Variants in MAP3K3 observed in about 807,000 individuals in gnomAD.
MAP3K3 encodes the protein MAP/ERK kinase kinase 3.
Under a neutral mutation model 80.9 loss-of-function variants are expected in MAP3K3, and 12 were observed. The ratio of observed to expected loss-of-function variants is 0.15; its 90% CI spans 0.10 to 0.24. The LOEUF (loss-of-function observed/expected upper bound fraction) is 0.24. Among genes scored for constraint, MAP3K3 ranks in the 10% least tolerant of loss-of-function variants. MAP3K3 has a pLI of 1.00. For synonymous variants in MAP3K3, 272 were observed against 307.1 expected, an observed-to-expected ratio of 0.89 and a Z score of 1.19; for missense variants, 596 against 834.7, an observed-to-expected ratio of 0.71 and a Z score of 3.52.
At chr17:63,634,206 AT>A (rs1437939414) in intron 2 of MAP3K3, among the ~76,000 whole-genome samples, 20 of 152,144 alleles carry the variant, frequency 1.3e-4, no homozygotes, top group African/African-American at 4.8e-4. Flanking sequence ...TCGAAGGAGC[AT>A]TTTACCAGAA....
At chr17:63,628,136 C>T (rs1298357058) in intron 1 of MAP3K3, among the ~76,000 whole-genome samples, 1 of 150,934 alleles carries the variant, frequency 6.6e-6, no homozygotes, top group Non-Finnish European at 1.5e-5. Context: ...GAACTCCTGA[C>T]CTCAGGTGAT....
intron 5 of MAP3K3, among the ~76,000 whole-genome samples, chr17:63,662,650 A>ATTTTTTTTTTTT (rs1192833142): frequency 2.4e-5 from 2 of 82,566 alleles, no homozygotes; most frequent in African/African-American, 5.9e-5. Flanking sequence ...AGAAGAGGGA[A>ATTTTTTTTTTTT]TTTTTTTTTT....
chr17:63,677,893 C>T (rs573963337), intron 6 of MAP3K3, among the ~76,000 whole-genome samples: 3 of 152,320 alleles, frequency 2.0e-5, no homozygotes, highest in South Asian at 4.1e-4. Context: ...GAAGTCCCCA[C>T]GTTAGCCTCC....
intron 5 of MAP3K3, among the ~76,000 whole-genome samples, chr17:63,665,402 T>C (rs1050483376): frequency 6.6e-6 from 1 of 152,046 alleles, no homozygotes; most frequent in Admixed American, 6.5e-5. Context: ...CCTGACCTCA[T>C]GATCCGCCCG....
rs200150124 is a variant in MAP3K3 at position 63,652,674 on chromosome 17, T to C, written c.267+18T>C. ...ACAATGAGGTGAGAAGGCAGATGGA[T>C]GGGGCAGGGACAAGAGGGGCAGATG... On this transcript the variant is annotated intron_variant, in intron 4 of 15. Transcript: ENST00000361733. The C allele has an allele frequency of 1.3e-6, 2 of 1,550,676 alleles. No homozygotes were observed. Among genetic ancestry groups the C allele is most frequent in the East Asian group, 2.2e-5 (1 of 44,538 alleles).
chr17:63,633,609 G>A (rs1044607470), intron 2 of MAP3K3, among the ~76,000 whole-genome samples: 1 of 152,106 alleles, frequency 6.6e-6, no homozygotes, highest in Admixed American at 6.5e-5. Flanking sequence ...AGAGTTGTAT[G>A]CTTCTTTAGG....
chr17:63,681,710 C>T, intron 6 of MAP3K3, 56 bp from the exon 7 acceptor site: 1 of 1,354,512 alleles, frequency 7.4e-7, no homozygotes, highest in Non-Finnish European at 9.6e-7. Flanking sequence ...ATGCCTGCTC[C>T]TCTTGGGCCA....
intron 1 of MAP3K3, 104 bp from the exon 2 acceptor site, chr17:63,632,577 T>A: frequency 1.5e-6 from 2 of 1,360,070 alleles, no homozygotes; most frequent in Non-Finnish European, 2.0e-6. Context: ...GGGTCTGTCA[T>A]TTTACCTGGG....
chr17:63,651,297 A>C (rs940530369), intron 3 of MAP3K3, among the ~76,000 whole-genome samples: 2 of 152,112 alleles, frequency 1.3e-5, no homozygotes, highest in African/African-American at 4.8e-5. Flanking sequence ...CAGCCTGGGC[A>C]ACTTATTGAG....
rs189448508 is a variant in MAP3K3 at position 63,662,882 on chromosome 17, C to T, written c.382-4058C>T. 2.3e-3 allele frequency among the ~76,000 whole-genome samples: 351 copies of T among 151,678 alleles called. 1 individual carries two copies. Among genetic ancestry groups the T allele is most frequent in the Non-Finnish European group, 4.3e-3 (293 of 67,900 alleles). ...GGGGGGCGGTCCTCACCATGTTGGC[C>T]GGGCTGGTCTCGAACTCTTAAACTT... is the stretch of plus-strand genomic sequence containing the variant. On this transcript the variant is annotated intron_variant, in intron 5 of 15. Coordinates refer to ENST00000361733, the MANE Select transcript of MAP3K3 (RefSeq NM_002401.5).
At chr17:63,647,277 G>C (rs1046650953) in intron 3 of MAP3K3, among the ~76,000 whole-genome samples, 4 of 152,184 alleles carry the variant, frequency 2.6e-5, no homozygotes, top group Admixed American at 6.6e-5. Context: ...TCTGAGCTCT[G>C]TCCCCAGCTG....
At chr17:63,643,509 C>T (rs2034485061) in intron 2 of MAP3K3, among the ~76,000 whole-genome samples, 2 of 151,558 alleles carry the variant, frequency 1.3e-5, no homozygotes, top group Admixed American at 1.3e-4. Context: ...AAGACCCTGT[C>T]TCAATAATAA....
At chr17:63,679,457 G>A (rs2035285642) in intron 6 of MAP3K3, among the ~76,000 whole-genome samples, 1 of 152,098 alleles carries the variant, frequency 6.6e-6, no homozygotes, top group Non-Finnish European at 1.5e-5. Context: ...CCAGGTACAG[G>A]CTGAGTGCTC....
At chr17:63,662,844 G>A (rs1244866355) in intron 5 of MAP3K3, among the ~76,000 whole-genome samples, 1 of 135,628 alleles carries the variant, frequency 7.4e-6, no homozygotes. Flanking sequence ...TTTTAGTGGA[G>A]ATGGGGTTGG....
intron 1 of MAP3K3, among the ~76,000 whole-genome samples, chr17:63,630,840 T>C (rs1428556462): frequency 6.6e-6 from 1 of 152,242 alleles, no homozygotes; most frequent in Non-Finnish European, 1.5e-5. Context: ...TGGGAAGTTA[T>C]GCTCCTGGTG....
At chr17:63,628,765 A>C (rs975724757) in intron 1 of MAP3K3, among the ~76,000 whole-genome samples, 13 of 152,228 alleles carry the variant, frequency 8.5e-5, no homozygotes, top group African/African-American at 2.7e-4. Flanking sequence ...CTAATGTGTA[A>C]TACAAGATAA....
intron 2 of MAP3K3, among the ~76,000 whole-genome samples, chr17:63,639,905 T>C (rs972578588): frequency 2.0e-5 from 3 of 152,140 alleles, no homozygotes; most frequent in Non-Finnish European, 2.9e-5. Flanking sequence ...TATAAAGATA[T>C]AATGCTTTAT....
intron 3 of MAP3K3, among the ~76,000 whole-genome samples, chr17:63,649,785 G>C (rs1001931578): frequency 3.9e-5 from 6 of 152,206 alleles, no homozygotes; most frequent in African/African-American, 1.4e-4. Context: ...GAATAGTGCA[G>C]ATGCAGTTCT....
chr17:63,632,509 C>T (rs1419078725), intron 1 of MAP3K3, among the ~76,000 whole-genome samples, 172 bp from the exon 2 acceptor site: 1 of 152,062 alleles, frequency 6.6e-6, no homozygotes, highest in Non-Finnish European at 1.5e-5. Flanking sequence ...AAAAAGAATC[C>T]ATTAAAATTC....
Sources: gnomAD v4.1 joint callset for allele counts (sites outside exome capture counted in the v4.1 genomes callset) on GRCh38, gnomAD v4.1.1 for gene constraint, MANE v1.5 for transcripts, NCBI Gene and HGNC (gene_info 2026-07-23, HGNC 2026-07-21) for gene names.